The following SOX5 variants were observed in gnomAD, a reference collection of about 807,000 sequenced individuals.
The protein encoded by SOX5 is transcription factor SOX-5.
A neutral mutation model predicts 92.0 loss-of-function variants in SOX5; 9 were observed. The ratio of observed to expected loss-of-function variants is 0.10; its 90% confidence interval spans 0.06 to 0.17. The LOEUF is 0.17. Ranked by LOEUF, SOX5 falls within the 10% of genes least tolerant of loss-of-function variation. The probability of loss-of-function intolerance (pLI) is 1.00; values close to 1 mark genes in which losing one functional copy is unlikely to be tolerated. For missense variants in SOX5, 642 were observed against 944.5 expected, an observed-to-expected ratio of 0.68 and a Z score of 4.20; for synonymous variants, 344 against 336.3, an observed-to-expected ratio of 1.02 and a Z score of -0.25.
At chr12:24,080,174 T>C (rs1449605107) in intron 4 of SOX5, among the ~76,000 whole-genome samples, 2 of 151,972 alleles carry the variant, frequency 1.3e-5, no homozygotes, top group Non-Finnish European at 2.9e-5. Flanking sequence ...GATAAAAATA[T>C]GTTTCTGAGA....
chr12:24,480,341 T>C (rs1306978074), intron 1 of SOX5, among the ~76,000 whole-genome samples: 1 of 152,174 alleles, frequency 6.6e-6, no homozygotes, highest in African/African-American at 2.4e-5. Context: ...TCCAGGACAC[T>C]GGACTGGGCA....
At chr12:24,519,469 C>T (rs1950078222) in intron 1 of SOX5, among the ~76,000 whole-genome samples, 1 of 151,752 alleles carries the variant, frequency 6.6e-6, no homozygotes, top group Non-Finnish European at 1.5e-5. Flanking sequence ...AAAGAACTCA[C>T]TAAGTAAATA....
intron 8 of SOX5, among the ~76,000 whole-genome samples, chr12:23,628,579 G>A (rs1262584290): frequency 6.6e-6 from 1 of 152,054 alleles, no homozygotes; most frequent in Non-Finnish European, 1.5e-5. Flanking sequence ...AGCATACTTT[G>A]AGTCTGTTCC....
At chr12:24,231,331 C>A (rs1194147107) in intron 3 of SOX5, among the ~76,000 whole-genome samples, 1 of 152,128 alleles carries the variant, frequency 6.6e-6, no homozygotes, top group Non-Finnish European at 1.5e-5. Flanking sequence ...ACAAGCAAAT[C>A]CCCCAGGACT....
At chr12:24,420,036 G>A (rs1283139131) in intron 1 of SOX5, among the ~76,000 whole-genome samples, 2 of 152,220 alleles carry the variant, frequency 1.3e-5, no homozygotes, top group African/African-American at 4.8e-5. Context: ...ATAGCTAAGA[G>A]ATGATACTTT....
At chr12:24,457,981 T>C (rs761749192) in intron 1 of SOX5, among the ~76,000 whole-genome samples, 1 of 152,290 alleles carries the variant, frequency 6.6e-6, no homozygotes, top group Admixed American at 6.5e-5. Flanking sequence ...CCTTCCTAAA[T>C]AGGGATGTGA....
chr12:24,395,222 A>G (rs1421650247), intron 1 of SOX5, among the ~76,000 whole-genome samples: 2 of 152,026 alleles, frequency 1.3e-5, no homozygotes, highest in Non-Finnish European at 2.9e-5. Flanking sequence ...GAGCCTGGAG[A>G]ATAAGGATGG....
At chr12:23,801,581 A>G (rs899429923) in intron 3 of SOX5, among the ~76,000 whole-genome samples, 1 of 152,176 alleles carries the variant, frequency 6.6e-6, no homozygotes, top group Non-Finnish European at 1.5e-5. Flanking sequence ...AAATATTAGG[A>G]TATTAGATTT....
chr12:24,559,215 G>A (rs1304073746), intron 1 of SOX5, among the ~76,000 whole-genome samples: 2 of 152,156 alleles, frequency 1.3e-5, no homozygotes, highest in African/African-American at 4.8e-5. Context: ...CAGTGCATGA[G>A]GGAATGCATT....
chr12:24,524,340 CATCTATCTATCTATCTATCT>C (rs146131503), intron 1 of SOX5, among the ~76,000 whole-genome samples: 3 of 145,260 alleles, frequency 2.1e-5, no homozygotes, highest in Non-Finnish European at 4.5e-5. Context: ...AATCCCCTCC[CATCTATCTATCTATCTATCT>C]ATCTATCTAT....
intron 2 of SOX5, among the ~76,000 whole-genome samples, chr12:24,304,628 G>A (rs1005806749): frequency 1.3e-5 from 2 of 152,014 alleles, no homozygotes; most frequent in East Asian, 1.9e-4. Context: ...TACTCGCTTC[G>A]TATTTTAGCT....
intron 2 of SOX5, among the ~76,000 whole-genome samples, chr12:23,877,442 T>C (rs1171557680): frequency 6.6e-6 from 1 of 152,178 alleles, no homozygotes; most frequent in Non-Finnish European, 1.5e-5. Context: ...TTATGTTTCC[T>C]CCTTTCTATG....
intron 4 of SOX5, among the ~76,000 whole-genome samples, chr12:24,174,247 C>G (rs1374937643): frequency 1.3e-5 from 2 of 152,160 alleles, no homozygotes; most frequent in African/African-American, 4.8e-5. Context: ...GATCTGCCCA[C>G]CTTGGCTTCT....
intron 3 of SOX5, among the ~76,000 whole-genome samples, chr12:23,825,128 C>T (rs1372452018): frequency 2.0e-5 from 3 of 152,118 alleles, no homozygotes; most frequent in Non-Finnish European, 4.4e-5. Context: ...ATTCCAGGTG[C>T]CACTGGGGTA....
chr12:24,560,844 G>A (rs1954264061), intron 1 of SOX5, among the ~76,000 whole-genome samples: 1 of 152,178 alleles, frequency 6.6e-6, no homozygotes, highest in Non-Finnish European at 1.5e-5. Context: ...TGGTTTTTCT[G>A]ATGGAAATGT....
At chr12:24,337,011 G>A (rs1330614483) in intron 2 of SOX5, among the ~76,000 whole-genome samples, 1 of 152,188 alleles carries the variant, frequency 6.6e-6, no homozygotes, top group African/African-American at 2.4e-5. Flanking sequence ...GATGCACGTG[G>A]ATGCTTACTG....
chr12:23,536,427 G>T lies in SOX5; in HGVS notation c.1988+26C>A, dbSNP rs774896800. 7 of 1,575,752 alleles carry T rather than the reference G, an allele frequency of 4.4e-6. No homozygotes were observed. The Middle Eastern group carries it at 7.5e-4, about 170-fold the overall frequency. On this transcript the variant is annotated intron_variant, in intron 14 of 14. Coordinates refer to ENST00000451604, the MANE Select transcript of SOX5 (RefSeq NM_006940.6). ...AAGTATAACAGGAAGTTTGCCCCAT[G>T]AGAAAAATGACTAAAAGGTACATAC...
intron 3 of SOX5, among the ~76,000 whole-genome samples, chr12:23,844,149 G>A (rs954752588): frequency 1.1e-4 from 17 of 152,198 alleles, no homozygotes; most frequent in African/African-American, 3.6e-4. Context: ...GCAACACAAC[G>A]TACTGTGGAG....
chr12:23,704,687 CATATATATATATAT>C lies in SOX5; in HGVS notation c.810+29983_810+29996del, dbSNP rs376550773. Among the ~76,000 whole-genome samples the C allele has an allele frequency of 4.7e-4, 42 of 90,118 alleles. 1 individual carries two copies. The East Asian group carries it at 9.7e-3, about 21-fold the overall frequency. 59.1% of individuals were successfully genotyped at this position (90,118 alleles called of 152,430 possible). On this transcript the variant is annotated intron_variant, in intron 6 of 14. Transcript: ENST00000451604. Reference sequence around the variant, plus strand: ...TTAGTTCTGGGCATATATATGCATGCATATATATATATATATATATATATATATACACACACACA... The same window carrying C: ...TTAGTTCTGGGCATATATATGCATGCATATATATATATATACACACACACA...
Sources: allele counts gnomAD v4.1 joint callset (sites outside exome capture counted in the v4.1 genomes callset), GRCh38; gene constraint gnomAD v4.1.1; transcripts MANE v1.5; gene names NCBI Gene and HGNC (gene_info 2026-07-23, HGNC 2026-07-21).